UBR4: variants seen among roughly 807,000 people sequenced by gnomAD.
The protein encoded by UBR4 is E3 ubiquitin-protein ligase UBR4.
A neutral mutation model predicts 575.6 loss-of-function variants in UBR4; 124 were observed. The ratio of observed to expected loss-of-function variants is 0.22; its 90% CI spans 0.19 to 0.25. The LOEUF (loss-of-function observed/expected upper bound fraction) is 0.25. Among genes scored for constraint, UBR4 ranks in the 10% least tolerant of loss-of-function variants. UBR4 has a pLI of 1.00. For synonymous variants in UBR4, 2,455 were observed against 2,473.7 expected (o/e 0.99, Z 0.22); for missense variants, 4,818 against 6,478.8 (o/e 0.74, Z 8.80).
intron 42 of UBR4, among the ~76,000 whole-genome samples, chr1:19,155,987 T>C (rs1321786484): frequency 2.0e-5 from 3 of 152,156 alleles, no homozygotes; most frequent in African/African-American, 7.2e-5. Flanking sequence ...CTCAGCAACA[T>C]AGCAAAAGTG....
intron 1 of UBR4, among the ~76,000 whole-genome samples, chr1:19,206,338 C>G (rs901719172): frequency 7.0e-6 from 1 of 143,850 alleles, no homozygotes; most frequent in African/African-American, 2.6e-5. Context: ...CCCTGTCTCT[C>G]TTTTTTTTTT....
At position 19,094,033 on chromosome 1, in the gene UBR4, C is replaced by A; in HGVS notation, c.13853G>T (p.Arg4618Leu). ...TCCAAAGGAAAGGTACGGGATGATGCGAAGCAGGCCCTGGAGCACACTGGG... is the reference window on the plus strand; with the variant it reads ...TCCAAAGGAAAGGTACGGGATGATGAGAAGCAGGCCCTGGAGCACACTGGG... ...SNPSVLQGLL[R>L]IIPYLSFGEV... Residue 4618 changes from arginine (R) to leucine (L), a missense_variant, in exon 95 of 106, where the codon CGC becomes CTC. By Grantham distance (102) the Arg-to-Leu change is moderately radical. Transcript: ENST00000375254. 1 of 1,614,038 alleles carries A rather than the reference C, an allele frequency of 6.2e-7. No individual in the cohort carries two copies. Among genetic ancestry groups the A allele is most frequent in the South Asian group, 1.1e-5 (1 of 91,060 alleles).
chr1:19,121,066 A>G, intron 68 of UBR4, 123 bp downstream of exon 68: 1 of 1,371,744 alleles, frequency 7.3e-7, no homozygotes, highest in Non-Finnish European at 9.9e-7. Context: ...ACTAGAGAAC[A>G]TTTGGGCTTT....
chr1:19,203,520 A>T (rs2092855337), intron 1 of UBR4, among the ~76,000 whole-genome samples: 1 of 151,796 alleles, frequency 6.6e-6, no homozygotes, highest in Admixed American at 6.6e-5. Flanking sequence ...AAAAAGTATC[A>T]TCCTAAGAAG....
chr1:19,174,218 C>G, intron 22 of UBR4, 101 bp downstream of exon 22: 1 of 1,453,854 alleles, frequency 6.9e-7, no homozygotes. Flanking sequence ...TTTTGCAAAT[C>G]AATATTCAAT....
chr1:19,106,467 G>C, intron 83 of UBR4, 102 bp downstream of exon 83: 1 of 1,387,888 alleles, frequency 7.2e-7, no homozygotes, highest in East Asian at 2.4e-5. Flanking sequence ...CAAAGAGAAA[G>C]AAGAGATGGC....
Position 19,192,342 on chromosome 1 carries a change from A to G in UBR4, c.1240T>C (p.Leu414=). Residue 414 remains leucine (L), a synonymous_variant, in exon 11 of 106, where the codon TTG becomes CTG. Transcript: ENST00000375254. The stretch of plus-strand genomic sequence containing the variant: ...AGTATGAGGAAAAGGCTGTTTAACA[A>G]GCACCAAGCACCCAGCAATTGGAAA... The part of the protein sequence containing the change: ...QNFQLLGAWC[L]LNSLFLILNL... 4.3e-6 allele frequency: 7 copies of G among 1,614,168 alleles called. No individual in the cohort carries two copies. Among genetic ancestry groups the G allele is most frequent in the Non-Finnish European group, 5.9e-6 (7 of 1,180,018 alleles).
intron 11 of UBR4, among the ~76,000 whole-genome samples, chr1:19,191,695 G>GA (rs1399562566): frequency 6.6e-6 from 1 of 152,060 alleles, no homozygotes; most frequent in Non-Finnish European, 1.5e-5. Flanking sequence ...GGGATTGAAT[G>GA]AAAAAATAAA....
chr1:19,166,726 A>C (rs1483397235), intron 29 of UBR4, among the ~76,000 whole-genome samples: 1 of 31,266 alleles, frequency 3.2e-5, no homozygotes, highest in African/African-American at 1.1e-4. Context: ...AAAAAAAAAA[A>C]AAAAAAAAAA....
chr1:19,139,148 T>C lies in UBR4; in HGVS notation c.8666A>G (p.His2889Arg), dbSNP rs2083539976. ...GSTLRTSPAD[H>R]GGSVGSESGG... is the part of the protein sequence containing the mutation. Reference sequence around the variant, plus strand: ...GCTCTCCGAGCCCACACTACCACCGTGGTCAGCAGGAGAGGTCCGAAGGGT... The same window carrying C: ...GCTCTCCGAGCCCACACTACCACCGCGGTCAGCAGGAGAGGTCCGAAGGGT... The change falls in exon 59 of 106, where the codon CAC becomes CGC. Residue 2889 changes from histidine (H) to arginine (R), a missense_variant. Around this residue, in one of 29 missense-constraint regions of UBR4, gnomAD observed 57 missense variants for 101.5 expected, o/e 0.56. Transcript: ENST00000375254. This position sits in a 1 kb window ranked among gnomAD's most constrained non-coding sequence, Gnocchi z 4.2. 1 of 1,613,976 alleles carries C rather than the reference T, an allele frequency of 6.2e-7. No homozygotes were observed. Among genetic ancestry groups the C allele is most frequent in the Non-Finnish European group, 8.5e-7 (1 of 1,179,954 alleles).
chr1:19,091,855 C>G (rs2077544554), intron 97 of UBR4, among the ~76,000 whole-genome samples: 1 of 152,150 alleles, frequency 6.6e-6, no homozygotes, highest in Non-Finnish European at 1.5e-5. Flanking sequence ...ACACAAAAAC[C>G]TGCACACAAG....
chr1:19,122,384 C>T (rs901221009), intron 66 of UBR4, among the ~76,000 whole-genome samples: 1 of 152,214 alleles, frequency 6.6e-6, no homozygotes, highest in Non-Finnish European at 1.5e-5. Flanking sequence ...AGATTAAAGA[C>T]GTTCTTTCTA....
intron 53 of UBR4, 24 bp from the exon 54 acceptor site, chr1:19,144,931 T>G (rs1044054071): frequency 1.2e-6 from 2 of 1,611,144 alleles, no homozygotes; most frequent in Admixed American, 1.7e-5. Flanking sequence ...AAACATTATT[T>G]GAAAATCTGG....
Position 19,104,001 on chromosome 1 carries a change from G to A in UBR4, c.12901+83C>T, listed in dbSNP as rs2078923760. 6 of 1,512,424 alleles carry A rather than the reference G, an allele frequency of 4.0e-6. No homozygotes were observed. The Admixed American group carries it at 5.7e-5, about 14-fold the overall frequency. 93.7% of individuals were successfully genotyped at this position (1,512,424 alleles called of 1,614,324 possible). A position where few individuals can be genotyped will look rare whatever the true frequency, so the allele number is the denominator to read the frequency against. ...TTGCCACCCCTCCTCTGGATCTGTG[G>A]AACTGGGGGAAATTGGTCGAATGCA... On this transcript the variant is annotated intron_variant, in intron 87 of 105. Coordinates refer to ENST00000375254, the MANE Select transcript of UBR4 (RefSeq NM_020765.3).
At chr1:19,115,248 C>A in intron 74 of UBR4, 150 bp downstream of exon 74, 1 of 1,213,706 alleles carries the variant, frequency 8.2e-7, no homozygotes, top group East Asian at 2.6e-5. Flanking sequence ...TCTTCCTCCT[C>A]CCTTTCTACC....
At chr1:19,200,542 G>T (rs1340057672) in intron 2 of UBR4, among the ~76,000 whole-genome samples, 2 of 151,966 alleles carry the variant, frequency 1.3e-5, no homozygotes, top group African/African-American at 4.8e-5. Context: ...TTCAGCCCAG[G>T]AGTTTGAGAC....
Position 19,192,321 on chromosome 1 carries a change from T to C in UBR4, c.1261A>G (p.Ile421Val), listed in dbSNP as rs2092148050. 19 of 1,614,064 alleles carry C rather than the reference T, an allele frequency of 1.2e-5. No homozygotes were observed. The highest frequency in any genetic ancestry group is 1.6e-5 in the Non-Finnish European group (19 of 1,180,002). Residue 421 changes from isoleucine (I) to valine (V), a missense_variant, in exon 11 of 106, where the codon ATA (isoleucine) becomes GTA (valine). Physicochemically the swap from Ile to Val is conservative, Grantham distance 29. Coordinates refer to ENST00000375254, the MANE Select transcript of UBR4 (RefSeq NM_020765.3). Reference protein sequence around the residue: ...AWCLLNSLFLILNLSPTALAD... With the variant: ...AWCLLNSLFLVLNLSPTALAD... ...AACGCAGTAGGACTGAGGTTCAGTA[T>C]GAGGAAAAGGCTGTTTAACAAGCAC...
In UBR4 at chr1:19,141,723, C is replaced by G. The variant is rs41273195; in HGVS notation, c.8234G>C (p.Gly2745Ala). Residue 2745 changes from glycine (G) to alanine (A), a missense_variant, in exon 56 of 106, where the codon GGG (glycine) becomes GCG (alanine). Around this residue, in one of 29 missense-constraint regions of UBR4, gnomAD observed 129 missense variants for 198.4 expected, o/e 0.65. Coordinates refer to ENST00000375254, the MANE Select transcript of UBR4 (RefSeq NM_020765.3). ...ACGGATGTGACCACCATTCGGGATCCCTGATGACTGCATTTTCTCATCTGC... is the reference window on the plus strand; with the variant it reads ...ACGGATGTGACCACCATTCGGGATCGCTGATGACTGCATTTTCTCATCTGC... ...DDADEKMQSSGIPNGGHIRQE... is the reference protein window; with the variant it reads ...DDADEKMQSSAIPNGGHIRQE... 1.2e-3 allele frequency: 1,902 copies of G among 1,614,216 alleles called. No homozygotes were observed. The highest frequency in any genetic ancestry group is 1.5e-3 in the Non-Finnish European group (1,788 of 1,180,026).
In UBR4 at chr1:19,168,203, G is replaced by A. The variant is rs758598028; in HGVS notation, c.3742-19C>T. 7 of 1,543,652 alleles carry A rather than the reference G, an allele frequency of 4.5e-6. No homozygotes were observed. The highest frequency in any genetic ancestry group is 5.3e-6 in the Non-Finnish European group (6 of 1,135,066). Reference sequence around the variant, plus strand: ...CATTGCGCTGAAAGGAAGCAAAGCAGATGTAAATGGATAGACCATCTACCC... The same window carrying A: ...CATTGCGCTGAAAGGAAGCAAAGCAAATGTAAATGGATAGACCATCTACCC... On this transcript the variant is annotated intron_variant, in intron 27 of 105. Transcript: ENST00000375254.
Sources: allele counts gnomAD v4.1 joint callset (sites outside exome capture counted in the v4.1 genomes callset), GRCh38; gene constraint gnomAD v4.1.1; regional missense constraint gnomAD v4.1.1; non-coding constraint Gnocchi (gnomAD v3.1); transcripts MANE v1.5; gene names NCBI Gene and HGNC (gene_info 2026-07-23, HGNC 2026-07-21).